ZNF385C: variants seen among roughly 807,000 people sequenced by gnomAD.
ZNF385C encodes the protein zinc finger protein 385C, also known as CTD-2132N18.2.
ZNF385C carries 28 observed loss-of-function variants against 35.4 expected under a neutral mutation model. The observed-to-expected ratio is 0.79, with a 90% CI of 0.59 to 1.08. The LOEUF is 1.08. ZNF385C is among the 50% of genes least tolerant of loss of function. The pLI, the probability that ZNF385C is intolerant of heterozygous loss-of-function variation, is 0.00. For missense variants in ZNF385C, 605 were observed against 595.6 expected, an observed-to-expected ratio of 1.02 and a Z score of -0.16; for synonymous variants, 248 against 248.2, an observed-to-expected ratio of 1.00 and a Z score of 0.01.
chr17:42,031,476 T>C lies in ZNF385C; in HGVS notation c.676+143A>G, dbSNP rs1482531877. The stretch of plus-strand genomic sequence containing the variant: ...GGTGTGTTCAGCTTAGGAAAATTCA[T>C]GGCGTGGTACACTTGTGTGCCTTTG... On this transcript the variant is annotated intron_variant, in intron 5 of 8. Coordinates refer to ENST00000692273, the MANE Select transcript of ZNF385C (RefSeq NM_001392013.1). 3.7e-6 allele frequency: 4 copies of C among 1,073,646 alleles called. No homozygotes were observed. In the African/African-American group the frequency reaches 6.4e-5, roughly 17 times the overall value. The allele number at this position is 1,073,646 out of a possible 1,614,324, so 66.5% of individuals were successfully genotyped here. A position where few individuals can be genotyped will look rare whatever the true frequency, so the allele number is the denominator to read the frequency against.
chr17:42,037,943 A>T, intron 2 of ZNF385C, 58 bp from the exon 3 acceptor site: 1 of 1,546,694 alleles, frequency 6.5e-7, no homozygotes, highest in Non-Finnish European at 8.7e-7. Flanking sequence ...CCGTGGCCAG[A>T]ACAAGAGGCG....
chr17:42,064,620 T>C (rs1555658326), intron 1 of ZNF385C, among the ~76,000 whole-genome samples: 2 of 152,136 alleles, frequency 1.3e-5, no homozygotes, highest in African/African-American at 4.8e-5. Flanking sequence ...AGTGCATTGG[T>C]GTGATCTCGG....
chr17:42,043,510 CAG>C, intron 2 of ZNF385C: 2 of 651,834 alleles, frequency 3.1e-6, no homozygotes, highest in Non-Finnish European at 4.4e-6. Flanking sequence ...GCCAGGCTAA[CAG>C]GGCCCATCCA....
rs555441812 is a variant in ZNF385C, at chr17:42,087,269, T to G, written c.-3+11141A>C. ...AAATAAATGCAATTCAAACTGTGTT[T>G]TCCAATAAGTAGGCATATATGCACG... On this transcript the variant is annotated intron_variant, in intron 1 of 8. Transcript: ENST00000692273. Among the ~76,000 whole-genome samples, 3 of 152,356 alleles carry G rather than the reference T, an allele frequency of 2.0e-5. No homozygotes were observed. In the East Asian group the frequency reaches 5.8e-4, roughly 29 times the overall value.
At chr17:42,031,929 T>A in intron 4 of ZNF385C, 145 bp from the exon 5 acceptor site, 1 of 887,786 alleles carries the variant, frequency 1.1e-6, no homozygotes, top group Admixed American at 2.7e-5. Flanking sequence ...GTCATCATCA[T>A]CACCATAGCA....
In ZNF385C at chr17:42,034,339, T is replaced by C. The variant is rs1555655210; in HGVS notation, c.400-4A>G. On this transcript the variant is annotated splice_polypyrimidine_tract_variant and splice_region_variant and intron_variant, in intron 3 of 8. Transcript: ENST00000692273. ...CAGCTTTCTGGACCGGGTCCATCTGTGAAGGGAGTGGGAGGGCATAATAAC... is the reference window on the plus strand; with the variant it reads ...CAGCTTTCTGGACCGGGTCCATCTGCGAAGGGAGTGGGAGGGCATAATAAC... 5.8e-6 allele frequency: 9 copies of C among 1,549,094 alleles called. No individual in the cohort carries two copies. Among genetic ancestry groups the C allele is most frequent in the South Asian group, 1.2e-5 (1 of 83,988 alleles).
At chr17:42,058,816 C>G (rs2053418360) in intron 2 of ZNF385C, among the ~76,000 whole-genome samples, 1 of 152,216 alleles carries the variant, frequency 6.6e-6, no homozygotes, top group African/African-American at 2.4e-5. Flanking sequence ...ACAACCACAC[C>G]TGGCTAATTT....
Position 42,029,083 on chromosome 17 carries a change from A to G in ZNF385C, c.677-10T>C. 6.5e-7 allele frequency: 1 copy of G among 1,546,368 alleles called. No homozygotes were observed. The highest frequency in any genetic ancestry group is 2.4e-5 in the East Asian group (1 of 40,838). ...GGAGGGGCTGCAGGAACTGCTGCAG[A>G]GATGGAAGAGTGTGAGACCCAAGAT... On this transcript the variant is annotated splice_polypyrimidine_tract_variant and intron_variant, in intron 5 of 8. Coordinates refer to ENST00000692273, the MANE Select transcript of ZNF385C (RefSeq NM_001392013.1).
At chr17:42,078,261 C>G (rs1250098302) in intron 1 of ZNF385C, among the ~76,000 whole-genome samples, 7 of 152,114 alleles carry the variant, frequency 4.6e-5, no homozygotes, top group African/African-American at 1.7e-4. Context: ...CGCCTTCTGA[C>G]TGGCCTCACA....
At chr17:42,027,806 CT>C in intron 7 of ZNF385C, 78 bp from the exon 8 acceptor site, 1 of 1,452,038 alleles carries the variant, frequency 6.9e-7, no homozygotes, top group Non-Finnish European at 9.6e-7. Flanking sequence ...GACTCTTCCC[CT>C]TCCTCTATCC....
intron 1 of ZNF385C, among the ~76,000 whole-genome samples, chr17:42,072,213 G>A (rs1005835574): frequency 2.6e-5 from 4 of 152,112 alleles, no homozygotes; most frequent in Non-Finnish European, 5.9e-5. Context: ...AAGAAAAGAC[G>A]GTGGGTTATC....
rs1413127561 is a variant in ZNF385C at position 42,038,005 on chromosome 17, G to C, written c.251-120C>G. 2.0e-6 allele frequency: 3 copies of C among 1,537,400 alleles called. No individual in the cohort carries two copies. In the African/African-American group the frequency reaches 4.1e-5, roughly 21 times the overall value. ...GCAGAAACCTGTGTCTCTCTTCACA[G>C]AGTGGCACCAGCCAGACCCATAGTG... On this transcript the variant is annotated intron_variant, in intron 2 of 8. Coordinates refer to ENST00000692273, the MANE Select transcript of ZNF385C (RefSeq NM_001392013.1).
chr17:42,097,317 A>G (rs1211316583), intron 1 of ZNF385C, among the ~76,000 whole-genome samples: 1 of 152,198 alleles, frequency 6.6e-6, no homozygotes, highest in Non-Finnish European at 1.5e-5. Context: ...ATGGCCTCCC[A>G]GAAGCAAGAA....
intron 6 of ZNF385C, chr17:42,028,564 G>A (rs1185433263): frequency 2.0e-5 from 13 of 637,478 alleles, no homozygotes; most frequent in African/African-American, 7.3e-5. Flanking sequence ...GAGATTTAGC[G>A]ACCTTCAGTT....
intron 1 of ZNF385C, among the ~76,000 whole-genome samples, chr17:42,084,303 C>T (rs1431342495): frequency 6.7e-6 from 1 of 150,062 alleles, no homozygotes; most frequent in African/African-American, 2.5e-5. Flanking sequence ...ACACTCTAGC[C>T]TGGGCGACAG....
intron 1 of ZNF385C, among the ~76,000 whole-genome samples, chr17:42,075,200 A>AGGTGT (rs1282241688): frequency 6.6e-6 from 1 of 152,148 alleles, no homozygotes; most frequent in Non-Finnish European, 1.5e-5. Flanking sequence ...TCCTCCAGGA[A>AGGTGT]GCCTTTGAAG....
chr17:42,069,769 G>C (rs141868488), intron 1 of ZNF385C, among the ~76,000 whole-genome samples: 1 of 152,248 alleles, frequency 6.6e-6, no homozygotes. Context: ...GGGGCCAGGC[G>C]TGGTGGCTCT....
chr17:42,058,608 A>G (rs1555657758), intron 2 of ZNF385C, among the ~76,000 whole-genome samples: 1 of 152,182 alleles, frequency 6.6e-6, no homozygotes, highest in African/African-American at 2.4e-5. Context: ...GAGGGGCCCA[A>G]CGTGCTCCCC....
chr17:42,079,038 T>C (rs2053715331), intron 1 of ZNF385C, among the ~76,000 whole-genome samples: 1 of 151,626 alleles, frequency 6.6e-6, no homozygotes, highest in Non-Finnish European at 1.5e-5. Flanking sequence ...TCTGAGAAGA[T>C]TAAATAAGAT....
Sources: gnomAD v4.1 joint callset for allele counts (sites outside exome capture counted in the v4.1 genomes callset) on GRCh38, gnomAD v4.1.1 for gene constraint, MANE v1.5 for transcripts, NCBI Gene and HGNC (gene_info 2026-07-23, HGNC 2026-07-21) for gene names.